SUSD6: variants seen among roughly 807,000 people sequenced by gnomAD.
SUSD6 encodes the protein sushi domain containing 6, also known as sushi domain-containing protein 6.
Under a neutral mutation model 28.4 loss-of-function variants are expected in SUSD6, and 16 were observed. The ratio of observed to expected loss-of-function variants is 0.56; its 90% CI spans 0.38 to 0.86. The LOEUF (loss-of-function observed/expected upper bound fraction) is 0.86, where lower values mean the gene tolerates loss of function less well. Ranked by LOEUF, SUSD6 falls within the 40% of genes least tolerant of loss-of-function variation. The pLI, the probability that SUSD6 is intolerant of heterozygous loss-of-function variation, is 0.00. For synonymous variants in SUSD6, 147 were observed against 159.6 expected (o/e 0.92, Z 0.59); for missense variants, 341 against 384.2 (o/e 0.89, Z 0.94).
intron 3 of SUSD6, 169 bp downstream of exon 3, chr14:69,703,761 T>C (rs949682380): frequency 1.6e-5 from 10 of 644,192 alleles, no homozygotes; most frequent in Non-Finnish European, 2.7e-5. Context: ...TGGAAGATAC[T>C]TGAGGTTGCT....
At position 69,639,954 on chromosome 14, in the gene SUSD6, C is replaced by CTGTTTTT. The variant is rs1477189630; in HGVS notation, c.-80-18557_-80-18551dup. Among the ~76,000 whole-genome samples the CTGTTTTT allele has an allele frequency of 5.3e-4, 24 of 45,602 alleles. 1 individual carries two copies. Among genetic ancestry groups the CTGTTTTT allele is most frequent in the African/African-American group, 2.0e-3 (24 of 12,162 alleles). 29.9% of individuals were successfully genotyped at this position (45,602 alleles called of 152,430 possible). A position where few individuals can be genotyped will look rare whatever the true frequency, so the allele number is the denominator to read the frequency against. On this transcript the variant is annotated intron_variant, in intron 1 of 5. Transcript: ENST00000342745. ...AGAGAGTCCCTCTGGGGCACCTACA[C>CTGTTTTT]TGTTTTTTTTTTTTTTTTTTTTTTT... is the stretch of plus-strand genomic sequence containing the variant.
Position 69,651,818 on chromosome 14 carries a change from A to G in SUSD6, c.-80-6695A>G, listed in dbSNP as rs190441536. Among the ~76,000 whole-genome samples the G allele has an allele frequency of 1.6e-4, 25 of 152,254 alleles. No individual in the cohort carries two copies. In the East Asian group the frequency reaches 4.2e-3, roughly 26 times the overall value. On this transcript the variant is annotated intron_variant, in intron 1 of 5. Coordinates refer to ENST00000342745, the MANE Select transcript of SUSD6 (RefSeq NM_014734.4). ...GGGAGATGTTGCAGGGAAGAAAGAG[A>G]GGTTAAGGAAGGGCCTGGGCAGCTT...
intron 1 of SUSD6, among the ~76,000 whole-genome samples, chr14:69,625,419 A>G (rs1399047348): frequency 6.6e-6 from 1 of 152,224 alleles, no homozygotes; most frequent in Non-Finnish European, 1.5e-5. Flanking sequence ...TCCTAAGGCT[A>G]GATGTTGGGT....
chr14:69,683,356 C>T lies in SUSD6; in HGVS notation c.122-20039C>T, dbSNP rs868335625. Among the ~76,000 whole-genome samples, 18 of 152,252 alleles carry T rather than the reference C, an allele frequency of 1.2e-4. 1 individual carries two copies. In the South Asian group the frequency reaches 1.5e-3, roughly 12 times the overall value. ...GGATGGTAAAGGTGGGCATTCTGCCCTTTTGAGGAGCTCATGAGGAGGACC... is the reference window on the plus strand; with the variant it reads ...GGATGGTAAAGGTGGGCATTCTGCCTTTTTGAGGAGCTCATGAGGAGGACC... On this transcript the variant is annotated intron_variant, in intron 2 of 5. Transcript: ENST00000342745.
intron 2 of SUSD6, among the ~76,000 whole-genome samples, chr14:69,691,897 G>A (rs140405428): frequency 0.033 from 4,948 of 152,080 alleles, 259 homozygotes; most frequent in African/African-American, 0.11. Context: ...AAATTAGCCC[G>A]GTGTGGTGGC....
chr14:69,707,693 G>A (rs531963819), intron 4 of SUSD6, among the ~76,000 whole-genome samples: 1 of 152,260 alleles, frequency 6.6e-6, no homozygotes, highest in South Asian at 2.1e-4. Context: ...GCTGCAGTAG[G>A]TTGTGATCAC....
chr14:69,670,516 G>A lies in SUSD6; in HGVS notation c.121+11803G>A, dbSNP rs748409053. The A allele has an allele frequency of 2.6e-5, 12 of 456,658 alleles. No homozygotes were observed. In the East Asian group the frequency reaches 8.3e-4, roughly 32 times the overall value. The allele number at this position is 456,658 out of a possible 1,614,324, so 28.3% of individuals were successfully genotyped here. On this transcript the variant is annotated intron_variant, in intron 2 of 5. Transcript: ENST00000342745. ...TACACTGAGATCTAAAGGCAAGTGA[G>A]TTAACGAGTATGGGGAGACAAGGTG...
intron 1 of SUSD6, among the ~76,000 whole-genome samples, chr14:69,655,694 G>C (rs1424356694): frequency 1.3e-5 from 2 of 151,988 alleles, no homozygotes; most frequent in African/African-American, 4.8e-5. Flanking sequence ...CAGCTGCTTG[G>C]GATGCTGAAG....
chr14:69,706,822 A>C (rs1001704329), intron 4 of SUSD6, among the ~76,000 whole-genome samples: 2 of 152,158 alleles, frequency 1.3e-5, no homozygotes, highest in Admixed American at 6.5e-5. Flanking sequence ...GCAGGTGAGG[A>C]AATTGAGAAC....
At chr14:69,621,613 T>G (rs1885042234) in intron 1 of SUSD6, among the ~76,000 whole-genome samples, 1 of 152,218 alleles carries the variant, frequency 6.6e-6, no homozygotes, top group Non-Finnish European at 1.5e-5. Context: ...TTAAAAGCCT[T>G]GGGAGGCATC....
chr14:69,676,385 T>G (rs1365647992), intron 2 of SUSD6, among the ~76,000 whole-genome samples: 1 of 150,904 alleles, frequency 6.6e-6, no homozygotes, highest in African/African-American at 2.5e-5. Flanking sequence ...TTTCTTTTTT[T>G]TTTTTTCCTT....
chr14:69,638,423 A>AGTGT (rs10637124), intron 1 of SUSD6, among the ~76,000 whole-genome samples: 45,186 of 138,992 alleles, frequency 0.33, 7,860 homozygotes, highest in Non-Finnish European at 0.4. Context: ...TGGGGTGGGG[A>AGTGT]GTGTGTGTGT....
chr14:69,653,244 A>T (rs1885528958), intron 1 of SUSD6, among the ~76,000 whole-genome samples: 1 of 152,186 alleles, frequency 6.6e-6, no homozygotes, highest in African/African-American at 2.4e-5. Context: ...TTTGGGGCTG[A>T]CGGTCGAGCT....
intron 2 of SUSD6, among the ~76,000 whole-genome samples, chr14:69,684,424 T>C (rs1886041979): frequency 6.6e-6 from 1 of 152,208 alleles, no homozygotes; most frequent in Admixed American, 6.5e-5. Flanking sequence ...TGGGAAAATA[T>C]TTTGAGAGAG....
At chr14:69,657,440 G>A (rs1038661273) in intron 1 of SUSD6, among the ~76,000 whole-genome samples, 1 of 149,482 alleles carries the variant, frequency 6.7e-6, no homozygotes, top group Non-Finnish European at 1.5e-5. Context: ...GGGCAACAGA[G>A]CAAGACTGTG....
intron 2 of SUSD6, among the ~76,000 whole-genome samples, chr14:69,659,419 A>G (rs1885630605): frequency 6.6e-6 from 1 of 152,222 alleles, no homozygotes; most frequent in African/African-American, 2.4e-5. Flanking sequence ...CCCTCAGTAA[A>G]TGCTTTGATG....
At chr14:69,646,142 G>A (rs1885422590) in intron 1 of SUSD6, among the ~76,000 whole-genome samples, 1 of 152,134 alleles carries the variant, frequency 6.6e-6, no homozygotes, top group African/African-American at 2.4e-5. Context: ...TTTCCTAGTG[G>A]CCAGATCCAG....
chr14:69,613,986 G>A (rs61980727), intron 1 of SUSD6, among the ~76,000 whole-genome samples: 7,215 of 152,306 alleles, frequency 0.047, 212 homozygotes, highest in East Asian at 0.15. Context: ...ACAGATACAG[G>A]CTGGCAGATA....
intron 1 of SUSD6, among the ~76,000 whole-genome samples, chr14:69,655,755 T>C (rs1313209859): frequency 2.6e-5 from 4 of 152,174 alleles, no homozygotes; most frequent in Admixed American, 6.5e-5. Context: ...CTCACACCAC[T>C]GCATTCCAGC....
Sources: gnomAD v4.1 joint callset for allele counts (sites outside exome capture counted in the v4.1 genomes callset) on GRCh38, gnomAD v4.1.1 for gene constraint, MANE v1.5 for transcripts, NCBI Gene and HGNC (gene_info 2026-07-23, HGNC 2026-07-21) for gene names.